Variants in CHST8 observed in about 807,000 individuals in gnomAD.
CHST8 encodes carbohydrate sulfotransferase 8.
In CHST8, 10 loss-of-function variants were observed where a neutral mutation model predicts 15.0. The ratio of observed to expected loss-of-function variants is 0.67; its 90% confidence interval spans 0.41 to 1.13. The LOEUF (loss-of-function observed/expected upper bound fraction) is 1.13, where lower values mean the gene tolerates loss of function less well. Ranked by LOEUF, CHST8 falls within the 50% of genes most tolerant of loss-of-function variation. The probability of loss-of-function intolerance (pLI) is 0.00; values close to 1 mark genes in which losing one functional copy is unlikely to be tolerated. For synonymous variants in CHST8, 259 were observed against 256.6 expected (o/e 1.01, Z -0.09); for missense variants, 634 against 608.2 (o/e 1.04, Z -0.45).
rs1005451536 is a variant in CHST8, at chr19:33,648,471, A to G, written c.-163-19296A>G. Reference sequence around the variant, plus strand: ...TGCCTATTCTGGACATTTCATGTCAATTGAATCCTACAATGCGTGGTCTTT... The same window carrying G: ...TGCCTATTCTGGACATTTCATGTCAGTTGAATCCTACAATGCGTGGTCTTT... On this transcript the variant is annotated intron_variant, in intron 1 of 4. Transcript: ENST00000650847. Among the ~76,000 whole-genome samples, 27 of 152,328 alleles carry G rather than the reference A, an allele frequency of 1.8e-4. 1 individual carries two copies. The highest frequency in any genetic ancestry group is 1.4e-3 in the Admixed American group (21 of 15,298).
At position 33,773,323 on chromosome 19, in the gene CHST8, C is replaced by G; in HGVS notation, c.*260C>G. The G allele has an allele frequency of 2.0e-6, 1 of 511,846 alleles. No individual in the cohort carries two copies. The highest frequency in any genetic ancestry group is 3.4e-6 in the Non-Finnish European group (1 of 291,238). The allele number at this position is 511,846 out of a possible 1,614,324, so 31.7% of individuals were successfully genotyped here. A position where few individuals can be genotyped will look rare whatever the true frequency, so the allele number is the denominator to read the frequency against. On this transcript the variant is annotated 3_prime_UTR_variant, in exon 5 of 5. Transcript: ENST00000650847. Reference sequence around the variant, plus strand: ...GAACTGGGCAGACACCCCTGGAGCTCAGCCGACAGTTTTGATGAGCAGGGA... The same window carrying G: ...GAACTGGGCAGACACCCCTGGAGCTGAGCCGACAGTTTTGATGAGCAGGGA...
At chr19:33,692,815 C>T (rs1156746095) in intron 3 of CHST8, among the ~76,000 whole-genome samples, 9 of 152,018 alleles carry the variant, frequency 5.9e-5, no homozygotes, top group East Asian at 3.9e-4. Flanking sequence ...TTTATCATAG[C>T]GAATTTGGAA....
chr19:33,745,742 A>AG (rs1974302535), intron 3 of CHST8, among the ~76,000 whole-genome samples: 1 of 152,240 alleles, frequency 6.6e-6, no homozygotes, highest in Non-Finnish European at 1.5e-5. Flanking sequence ...AATTGATGCA[A>AG]GGGGGCTGTG....
intron 3 of CHST8, among the ~76,000 whole-genome samples, chr19:33,750,407 C>T (rs1974391435): frequency 6.6e-6 from 1 of 152,290 alleles, no homozygotes. Context: ...GACCCCAGGG[C>T]CTGGATCTGA....
chr19:33,695,821 C>CTTTCTTTCTTTCTTTTTTTT (rs57718433), intron 3 of CHST8, among the ~76,000 whole-genome samples: 4 of 76,240 alleles, frequency 5.2e-5, no homozygotes, highest in East Asian at 4.0e-4. Context: ...TTCTTTCTTT[C>CTTTCTTTCTTTCTTTTTTTT]TTTTTTTTTT....
At chr19:33,691,837 G>C (rs118158898) in intron 3 of CHST8, among the ~76,000 whole-genome samples, 1 of 152,196 alleles carries the variant, frequency 6.6e-6, no homozygotes, top group Non-Finnish European at 1.5e-5. Flanking sequence ...TGGGGTGGAG[G>C]GCTGGGAGTG....
At chr19:33,719,240 A>AG (rs1337001810) in intron 3 of CHST8, among the ~76,000 whole-genome samples, 1 of 134,674 alleles carries the variant, frequency 7.4e-6, no homozygotes, top group African/African-American at 2.7e-5. Context: ...ACCTTCTGTC[A>AG]GCCGGGGGTG....
intron 3 of CHST8, among the ~76,000 whole-genome samples, chr19:33,729,952 C>T (rs1258676331): frequency 6.6e-6 from 1 of 152,130 alleles, no homozygotes; most frequent in Non-Finnish European, 1.5e-5. Context: ...AGAAAAACAT[C>T]GTATATGATC....
At chr19:33,770,789 A>T (rs555753901) in intron 3 of CHST8, among the ~76,000 whole-genome samples, 1 of 152,294 alleles carries the variant, frequency 6.6e-6, no homozygotes, top group East Asian at 1.9e-4. Context: ...GGCGAGCAAG[A>T]TATGCTTAGC....
intron 3 of CHST8, among the ~76,000 whole-genome samples, chr19:33,742,298 G>A (rs1335257563): frequency 1.3e-5 from 2 of 152,138 alleles, no homozygotes; most frequent in Non-Finnish European, 2.9e-5. Flanking sequence ...CCTGAGACTG[G>A]GTAATTTAAA....
At chr19:33,674,010 TC>T (rs570780427) in intron 2 of CHST8, among the ~76,000 whole-genome samples, 48 of 152,234 alleles carry the variant, frequency 3.2e-4, no homozygotes, top group Non-Finnish European at 5.7e-4. Flanking sequence ...CATCTTGGCC[TC>T]CCAAAGTGCT....
At chr19:33,684,227 G>A (rs962507002) in intron 2 of CHST8, among the ~76,000 whole-genome samples, 2 of 152,222 alleles carry the variant, frequency 1.3e-5, no homozygotes, top group Non-Finnish European at 2.9e-5. Context: ...TCTCCACCTC[G>A]GAACGCCCTT....
At chr19:33,640,883 T>A (rs2145447030) in intron 1 of CHST8, among the ~76,000 whole-genome samples, 1 of 152,198 alleles carries the variant, frequency 6.6e-6, no homozygotes, top group East Asian at 1.9e-4. Context: ...GCTGGGAATA[T>A]CTGCTGCTGA....
At chr19:33,730,490 C>T (rs1973974944) in intron 3 of CHST8, among the ~76,000 whole-genome samples, 1 of 152,216 alleles carries the variant, frequency 6.6e-6, no homozygotes, top group Non-Finnish European at 1.5e-5. Context: ...TGGCACATGC[C>T]CCACTGCCTT....
At chr19:33,699,808 G>C (rs774777257) in intron 3 of CHST8, among the ~76,000 whole-genome samples, 68 of 152,188 alleles carry the variant, frequency 4.5e-4, no homozygotes, top group Admixed American at 1.3e-3. Context: ...TGCAATGTCA[G>C]AAGGTCTGTC....
chr19:33,653,863 G>C (rs1972478228), intron 1 of CHST8, among the ~76,000 whole-genome samples: 1 of 152,168 alleles, frequency 6.6e-6, no homozygotes, highest in Non-Finnish European at 1.5e-5. Flanking sequence ...GTTCTCTTGA[G>C]TGCCCTAGAG....
intron 3 of CHST8, among the ~76,000 whole-genome samples, chr19:33,703,997 C>A (rs549533965): frequency 6.6e-6 from 1 of 152,236 alleles, no homozygotes; most frequent in Admixed American, 6.5e-5. Context: ...CTCATGTTCG[C>A]GTCTGGGGTC....
intron 4 of CHST8, 112 bp downstream of exon 4, chr19:33,771,562 T>G (rs1974983485): frequency 9.2e-7 from 1 of 1,081,144 alleles, no homozygotes. Flanking sequence ...AAGAAAAATG[T>G]GTCCAGCCTT....
intron 3 of CHST8, among the ~76,000 whole-genome samples, chr19:33,709,224 A>C (rs1162741379): frequency 6.6e-6 from 1 of 152,140 alleles, no homozygotes; most frequent in Non-Finnish European, 1.5e-5. Context: ...TTCCTGCCTG[A>C]TTCAACTGAC....
Sources: gnomAD v4.1 joint callset for allele counts (sites outside exome capture counted in the v4.1 genomes callset) on GRCh38, gnomAD v4.1.1 for gene constraint, MANE v1.5 for transcripts, NCBI Gene and HGNC (gene_info 2026-07-23, HGNC 2026-07-21) for gene names.